MAD1L1: variants seen among roughly 807,000 people sequenced by gnomAD.
MAD1L1 encodes mitotic spindle assembly checkpoint protein MAD1.
A neutral mutation model predicts 96.9 loss-of-function variants in MAD1L1; 95 were observed. That is an observed-to-expected ratio of 0.98 (90% CI 0.83 to 1.16). The LOEUF is 1.16. Ranked by LOEUF, MAD1L1 falls within the 50% of genes most tolerant of loss-of-function variation. MAD1L1 has a pLI of 0.00. For missense variants in MAD1L1, 1,007 were observed against 954.4 expected (o/e 1.06, Z -0.73); for synonymous variants, 473 against 396.6 (o/e 1.19, Z -2.29).
intron 11 of MAD1L1, among the ~76,000 whole-genome samples, chr7:2,127,727 G>A (rs556607654): frequency 4.6e-5 from 7 of 152,226 alleles, no homozygotes; most frequent in Non-Finnish European, 7.4e-5. Context: ...ACAATCTCAC[G>A]CCCACCAAAG....
rs202247127 is a variant in MAD1L1, at chr7:1,898,201, T to C, written c.1997A>G (p.Lys666Arg). 4.2e-5 allele frequency: 68 copies of C among 1,606,660 alleles called. No individual in the cohort carries two copies. Among genetic ancestry groups the C allele is most frequent in the Non-Finnish European group, 5.5e-5 (65 of 1,176,478 alleles). ...AGAGCCGTCACACGCAGGACCCACC[T>C]TGAAGATGAGGCAGTCGCCTGGGTG... The part of the protein sequence containing the change: ...AEHPGDCLIF[K>R]ATSPSGSKMQ... Residue 666 changes from lysine (K) to arginine (R), a missense_variant and splice_region_variant, in exon 18 of 19, where the codon AAG becomes AGG. Transcript: ENST00000265854.
intron 14 of MAD1L1, among the ~76,000 whole-genome samples, chr7:1,983,144 GCGCGCGCGCGCACACACACACACA>G (rs1780994704): frequency 2.1e-5 from 1 of 48,206 alleles, no homozygotes; most frequent in South Asian, 7.3e-4. Flanking sequence ...GCGCGCGCGC[GCGCGCGCGCGCACACACACACACA>G]CACACACACA....
At chr7:1,849,660 A>G (rs1026097269) in intron 18 of MAD1L1, 2 of 152,196 alleles carry the variant, frequency 1.3e-5, no homozygotes, top group African/African-American at 2.4e-5. Context: ...TGAGACTTCA[A>G]GACGGCTCCC....
At chr7:1,910,203 C>T (rs1562515263) in intron 17 of MAD1L1, among the ~76,000 whole-genome samples, 1 of 152,128 alleles carries the variant, frequency 6.6e-6, no homozygotes, top group Non-Finnish European at 1.5e-5. Context: ...CCAGGCTCCA[C>T]AGCCCCCATG....
intron 12 of MAD1L1, among the ~76,000 whole-genome samples, chr7:2,033,994 G>A (rs1237282553): frequency 1.3e-5 from 2 of 152,128 alleles, no homozygotes; most frequent in Non-Finnish European, 2.9e-5. Context: ...TACTGGGGAG[G>A]CTCAGGCAGG....
Position 2,114,128 on chromosome 7 carries a change from G to GGAGGGTGC in MAD1L1, c.1073+35016_1073+35023dup. On this transcript the variant is annotated intron_variant, in intron 11 of 18. Transcript: ENST00000265854. The surrounding 1 kb of genome is among the most constrained non-coding windows in gnomAD (Gnocchi z 4.2). Reference sequence around the variant, plus strand: ...AGACGTTACCCTCGGGAAAGCTGGCGGAGGGTGCGTCGAAACATTCTCCAC... The same window carrying GGAGGGTGC: ...AGACGTTACCCTCGGGAAAGCTGGCGGAGGGTGCGAGGGTGCGTCGAAACATTCTCCAC... Among the ~76,000 whole-genome samples, 1 of 152,328 alleles carries GGAGGGTGC rather than the reference G, an allele frequency of 6.6e-6. No homozygotes were observed. The highest frequency in any genetic ancestry group is 1.5e-5 in the Non-Finnish European group (1 of 68,044).
chr7:2,121,337 T>C (rs1057401147), intron 11 of MAD1L1, among the ~76,000 whole-genome samples: 7 of 152,218 alleles, frequency 4.6e-5, no homozygotes, highest in Non-Finnish European at 8.8e-5. Flanking sequence ...CCCCAGCACC[T>C]GCCAGGCACC....
intron 12 of MAD1L1, among the ~76,000 whole-genome samples, chr7:2,022,785 C>G (rs987313781): frequency 6.6e-6 from 1 of 151,936 alleles, no homozygotes; most frequent in Non-Finnish European, 1.5e-5. Flanking sequence ...ATTAAAAAAA[C>G]AAGACCCAAT....
At chr7:2,006,261 C>T (rs1162461564) in intron 13 of MAD1L1, among the ~76,000 whole-genome samples, 1 of 151,852 alleles carries the variant, frequency 6.6e-6, no homozygotes, top group African/African-American at 2.4e-5. Context: ...AGTGGTCAGA[C>T]ATGAAGTTTC....
Position 2,044,496 on chromosome 7 carries a change from C to T in MAD1L1, c.1218+24698G>A, listed in dbSNP as rs545723318. Among the ~76,000 whole-genome samples the T allele has an allele frequency of 4.6e-5, 7 of 152,312 alleles. No homozygotes were observed. In the East Asian group the frequency reaches 1.3e-3, roughly 29 times the overall value. On this transcript the variant is annotated intron_variant, in intron 12 of 18. Transcript: ENST00000265854. ...GGGAACAGTGCTTTAGAAACAGCAG[C>T]AGTGAATCCCAGAGGAGCCCGCAGC...
At chr7:1,928,230 G>C (rs1469588512) in intron 17 of MAD1L1, among the ~76,000 whole-genome samples, 1 of 144,556 alleles carries the variant, frequency 6.9e-6, no homozygotes, top group African/African-American at 2.6e-5. Flanking sequence ...CGGAACTCCT[G>C]CCACGCCAGA....
intron 18 of MAD1L1, among the ~76,000 whole-genome samples, chr7:1,883,833 G>A (rs180729573): frequency 2.2e-4 from 33 of 152,288 alleles, no homozygotes; most frequent in African/African-American, 3.1e-4. Context: ...TCCCAGCTCC[G>A]AGTTCCAGGA....
intron 12 of MAD1L1, among the ~76,000 whole-genome samples, chr7:2,065,339 G>C (rs1033818442): frequency 2.6e-4 from 39 of 152,194 alleles, no homozygotes; most frequent in African/African-American, 8.9e-4. Flanking sequence ...GCCGTGTCCA[G>C]GGTCCCAGCC....
intron 11 of MAD1L1, among the ~76,000 whole-genome samples, chr7:2,097,388 A>G (rs1260967916): frequency 6.6e-6 from 1 of 152,198 alleles, no homozygotes. Context: ...GCAGGCAGCG[A>G]GGACGTGGGG....
At chr7:1,864,010 CTACT>C (rs58764929) in intron 18 of MAD1L1, among the ~76,000 whole-genome samples, 101,324 of 151,530 alleles carry the variant, frequency 0.67, 34,858 homozygotes, top group African/African-American at 0.84. Context: ...CTGCTTAAAA[CTACT>C]CTGGAGGAGC....
intron 15 of MAD1L1, among the ~76,000 whole-genome samples, chr7:1,974,643 G>C (rs1318351901): frequency 1.3e-5 from 2 of 152,250 alleles, no homozygotes; most frequent in Non-Finnish European, 2.9e-5. Context: ...AGATTTAAGA[G>C]AGAGAAAACT....
chr7:2,208,600 G>A (rs1213064704), intron 10 of MAD1L1, among the ~76,000 whole-genome samples: 4 of 152,166 alleles, frequency 2.6e-5, no homozygotes, highest in East Asian at 1.9e-4. Context: ...AATCACAAAC[G>A]AGTCTTGGAT....
At chr7:2,224,908 G>T (rs1179933273) in intron 4 of MAD1L1, among the ~76,000 whole-genome samples, 2 of 152,098 alleles carry the variant, frequency 1.3e-5, no homozygotes, top group Admixed American at 6.5e-5. Flanking sequence ...ATGGACCCGA[G>T]ACCCTGATCC....
chr7:2,152,344 C>T lies in MAD1L1; in HGVS notation c.987-3106G>A, dbSNP rs146795118. Among the ~76,000 whole-genome samples, 479 of 152,356 alleles carry T rather than the reference C, an allele frequency of 3.1e-3. 1 individual carries two copies. The highest frequency in any genetic ancestry group is 0.011 in the African/African-American group (438 of 41,586). ...ACCACAGGGGCAGCCGTGCCCAACA[C>T]CTCCCACGGGCAGAAGCCGCTGGAG... On this transcript the variant is annotated intron_variant, in intron 10 of 18. Coordinates refer to ENST00000265854, the MANE Select transcript of MAD1L1 (RefSeq NM_001013836.2).
Sources: allele counts gnomAD v4.1 joint callset (sites outside exome capture counted in the v4.1 genomes callset), GRCh38; gene constraint gnomAD v4.1.1; non-coding constraint Gnocchi (gnomAD v3.1); transcripts MANE v1.5; gene names NCBI Gene and HGNC (gene_info 2026-07-23, HGNC 2026-07-21).